The following NEK11 variants were observed in gnomAD, a reference collection of about 807,000 sequenced individuals.
NEK11 encodes the protein NIMA related kinase 11.
A neutral mutation model predicts 80.7 loss-of-function variants in NEK11; 72 were observed. The observed-to-expected ratio is 0.89, with a 90% confidence interval of 0.74 to 1.08. The LOEUF is 1.08. Ranked by LOEUF, NEK11 falls within the 50% of genes least tolerant of loss-of-function variation. The pLI, the probability that NEK11 is intolerant of heterozygous loss-of-function variation, is 0.00. For missense variants in NEK11, 764 were observed against 763.6 expected, an observed-to-expected ratio of 1.00 and a Z score of -0.01; for synonymous variants, 251 against 260.7, an observed-to-expected ratio of 0.96 and a Z score of 0.36.
chr3:131,140,710 G>A (rs1237004673), intron 7 of NEK11, among the ~76,000 whole-genome samples: 3 of 152,168 alleles, frequency 2.0e-5, no homozygotes, highest in South Asian at 2.1e-4. Context: ...AAGAGAAGTG[G>A]CTTGTGCCAG....
At chr3:131,320,954 CTAT>C (rs1442222472) in intron 17 of NEK11, among the ~76,000 whole-genome samples, 1 of 152,074 alleles carries the variant, frequency 6.6e-6, no homozygotes, top group East Asian at 1.9e-4. Context: ...AATGCTATTG[CTAT>C]CAAATGACCA....
intron 17 of NEK11, among the ~76,000 whole-genome samples, chr3:131,308,668 CAG>C (rs1486744972): frequency 6.6e-6 from 1 of 152,172 alleles, no homozygotes; most frequent in East Asian, 1.9e-4. Flanking sequence ...TTCTTTGTAA[CAG>C]AGTCCTTTTA....
At chr3:131,312,383 TG>T (rs2096790733) in intron 17 of NEK11, among the ~76,000 whole-genome samples, 1 of 151,316 alleles carries the variant, frequency 6.6e-6, no homozygotes, top group Non-Finnish European at 1.5e-5. Context: ...AATGGGGGAG[TG>T]AGGGTGGGAT....
At chr3:131,207,349 T>C (rs11715655) in intron 14 of NEK11, among the ~76,000 whole-genome samples, 63,303 of 151,944 alleles carry the variant, frequency 0.42, 15,575 homozygotes, top group Middle Eastern at 0.65. Flanking sequence ...TTTGGGAGGC[T>C]GAGGCGGGTG....
chr3:131,229,557 T>C (rs1180240759), intron 15 of NEK11, among the ~76,000 whole-genome samples: 2 of 152,000 alleles, frequency 1.3e-5, no homozygotes, highest in Non-Finnish European at 2.9e-5. Flanking sequence ...GTGAAGATGA[T>C]TCACTCCAAA....
intron 17 of NEK11, among the ~76,000 whole-genome samples, chr3:131,333,324 A>T (rs2097126630): frequency 6.6e-6 from 1 of 152,192 alleles, no homozygotes; most frequent in African/African-American, 2.4e-5. Context: ...AACATTCTTA[A>T]AGAAAAGAAT....
intron 14 of NEK11, among the ~76,000 whole-genome samples, chr3:131,191,238 A>G (rs375134996): frequency 2.7e-4 from 41 of 152,182 alleles, no homozygotes; most frequent in African/African-American, 9.7e-4. Context: ...AAGCAATGCA[A>G]ATGGACTCTC....
In NEK11 at chr3:131,322,408, T is replaced by C. The variant is rs539313035; in HGVS notation, c.1719-27149T>C. Among the ~76,000 whole-genome samples, 9 of 152,240 alleles carry C rather than the reference T, an allele frequency of 5.9e-5. No homozygotes were observed. In the South Asian group the frequency reaches 1.9e-3, roughly 32 times the overall value. On this transcript the variant is annotated intron_variant, in intron 17 of 17. Coordinates refer to ENST00000383366, the MANE Select transcript of NEK11 (RefSeq NM_024800.5). ...CATCACACAATATACAGTATACCCATGTAACAAACCTGCACATGTATGCAT... is the reference window on the plus strand; with the variant it reads ...CATCACACAATATACAGTATACCCACGTAACAAACCTGCACATGTATGCAT...
At chr3:131,177,470 A>G (rs1276464348) in intron 14 of NEK11, among the ~76,000 whole-genome samples, 1 of 152,174 alleles carries the variant, frequency 6.6e-6, no homozygotes, top group Non-Finnish European at 1.5e-5. Context: ...ATTACTACCA[A>G]AACAGATATA....
intron 14 of NEK11, among the ~76,000 whole-genome samples, chr3:131,208,537 C>T (rs570032678): frequency 1.4e-3 from 210 of 152,304 alleles, no homozygotes; most frequent in South Asian, 3.7e-3. Context: ...GGCATTGAAT[C>T]TATAAATTAC....
intron 7 of NEK11, among the ~76,000 whole-genome samples, chr3:131,150,888 A>G (rs1047486572): frequency 6.6e-6 from 1 of 151,940 alleles, no homozygotes; most frequent in Non-Finnish European, 1.5e-5. Flanking sequence ...TGGTAATGAA[A>G]TCTCTGTTTT....
chr3:131,207,568 G>A (rs2094479819), intron 14 of NEK11, among the ~76,000 whole-genome samples: 1 of 151,800 alleles, frequency 6.6e-6, no homozygotes, highest in Admixed American at 6.6e-5. Context: ...GAAAGAGTGA[G>A]ACTCTATCTC....
intron 16 of NEK11, among the ~76,000 whole-genome samples, chr3:131,257,444 T>G (rs1480790610): frequency 6.6e-6 from 1 of 152,088 alleles, no homozygotes; most frequent in East Asian, 1.9e-4. Flanking sequence ...GAAATGAGAA[T>G]GTAAGGCCAA....
intron 16 of NEK11, among the ~76,000 whole-genome samples, chr3:131,259,299 A>G (rs927520462): frequency 1.3e-5 from 2 of 152,208 alleles, no homozygotes; most frequent in Non-Finnish European, 2.9e-5. Context: ...GGTTGACAAC[A>G]ACTTCTTTGG....
chr3:131,126,415 T>C (rs1257864764), intron 5 of NEK11, among the ~76,000 whole-genome samples: 1 of 152,218 alleles, frequency 6.6e-6, no homozygotes, highest in Non-Finnish European at 1.5e-5. Context: ...TTTTTCCTCA[T>C]CCTTTTATAA....
intron 17 of NEK11, among the ~76,000 whole-genome samples, chr3:131,273,962 T>A (rs187055269): frequency 8.1e-4 from 123 of 152,192 alleles, no homozygotes; most frequent in South Asian, 2.1e-3. Flanking sequence ...GTCTTTTTTT[T>A]TTATTATTAT....
intron 3 of NEK11, among the ~76,000 whole-genome samples, chr3:131,060,276 A>G (rs1308167714): frequency 2.6e-5 from 4 of 152,366 alleles, no homozygotes; most frequent in South Asian, 2.1e-4. Flanking sequence ...GCAGATCTGT[A>G]TAACCTCACA....
At chr3:131,105,841 T>TC (rs1192164717) in intron 4 of NEK11, among the ~76,000 whole-genome samples, 1 of 152,198 alleles carries the variant, frequency 6.6e-6, no homozygotes, top group Admixed American at 6.5e-5. Context: ...TCAGTTTTTT[T>TC]CCCCAAATAG....
chr3:131,097,197 G>A (rs911152327), intron 4 of NEK11, among the ~76,000 whole-genome samples: 10 of 151,804 alleles, frequency 6.6e-5, no homozygotes, highest in Admixed American at 1.3e-4. Flanking sequence ...ATAAACATAC[G>A]TGTGCATGTG....
Sources: allele counts gnomAD v4.1 joint callset (sites outside exome capture counted in the v4.1 genomes callset), GRCh38; gene constraint gnomAD v4.1.1; transcripts MANE v1.5; gene names NCBI Gene and HGNC (gene_info 2026-07-23, HGNC 2026-07-21).